DDHD1: variants seen among roughly 807,000 people sequenced by gnomAD.
The protein encoded by DDHD1 is phospholipase DDHD1.
A neutral mutation model predicts 96.4 loss-of-function variants in DDHD1; 49 were observed. That is an observed-to-expected ratio of 0.51 (90% CI 0.40 to 0.64). The LOEUF is 0.64. DDHD1 is among the 30% of genes least tolerant of loss of function. The pLI is 0.00. For synonymous variants in DDHD1, 442 were observed against 446.5 expected (o/e 0.99, Z 0.13); for missense variants, 1,106 against 1,161.2 (o/e 0.95, Z 0.69).
At chr14:53,093,248 T>C in intron 3 of DDHD1, 68 bp downstream of exon 3, 1 of 1,482,900 alleles carries the variant, frequency 6.7e-7, no homozygotes, top group Non-Finnish European at 9.1e-7. Context: ...ATGAATTGTC[T>C]ATTTTGAATA....
chr14:53,093,528 A>C (rs1358396374), intron 2 of DDHD1, 84 bp from the exon 3 acceptor site: 2 of 1,528,308 alleles, frequency 1.3e-6, no homozygotes, highest in Non-Finnish European at 1.8e-6. Context: ...AGATTTTAAA[A>C]TCAATATGTT....
intron 6 of DDHD1, among the ~76,000 whole-genome samples, chr14:53,067,154 T>C (rs1433598035): frequency 6.6e-6 from 1 of 150,560 alleles, no homozygotes; most frequent in African/African-American, 2.5e-5. Context: ...ACTATTCCTT[T>C]TCTTTTTTTT....
In DDHD1 at chr14:53,038,568, A is replaced by G. The variant is rs574905366; in HGVS notation, c.*8200T>C. 1 of 152,356 alleles carries G rather than the reference A, an allele frequency of 6.6e-6. No individual in the cohort carries two copies. The highest frequency in any genetic ancestry group is 2.1e-4 in the South Asian group (1 of 4,824). The allele number at this position is 152,356 out of a possible 1,614,324, so 9.4% of individuals were successfully genotyped here. Reference sequence around the variant, plus strand: ...CCATGTTCATGGATTGGAAGAATCAATATAGTTTAAAAATGGCCATACTGC... The same window carrying G: ...CCATGTTCATGGATTGGAAGAATCAGTATAGTTTAAAAATGGCCATACTGC... On this transcript the variant is annotated 3_prime_UTR_variant, in exon 13 of 13. Transcript: ENST00000673822.
chr14:53,097,283 T>G (rs1316055825), intron 2 of DDHD1, among the ~76,000 whole-genome samples: 7 of 152,044 alleles, frequency 4.6e-5, no homozygotes, highest in Non-Finnish European at 1.5e-5. Flanking sequence ...AGATGTAGTA[T>G]ATGCAAAGAT....
rs556807794 is a variant in DDHD1, at chr14:53,060,819, A to G, written c.1842+307T>C. Among the ~76,000 whole-genome samples, 3 of 152,272 alleles carry G rather than the reference A, an allele frequency of 2.0e-5. No individual in the cohort carries two copies. The South Asian group carries it at 6.2e-4, about 32-fold the overall frequency. On this transcript the variant is annotated intron_variant, in intron 8 of 12. Coordinates refer to ENST00000673822, the MANE Select transcript of DDHD1 (RefSeq NM_001160148.2). ...TATCTAATTTACTGAGACCAAGTAC[A>G]AATATCACTCCTTTGTAAACTTTTG...
At chr14:53,140,616 A>G (rs1280859155) in intron 1 of DDHD1, among the ~76,000 whole-genome samples, 2 of 152,194 alleles carry the variant, frequency 1.3e-5, no homozygotes, top group Non-Finnish European at 1.5e-5. Context: ...AATATTAAAG[A>G]TAGAAGAGAA....
chr14:53,104,056 T>C (rs1036067639), intron 1 of DDHD1, among the ~76,000 whole-genome samples, 200 bp from the exon 2 acceptor site: 1 of 152,194 alleles, frequency 6.6e-6, no homozygotes, highest in Non-Finnish European at 1.5e-5. Context: ...TAGAGTGCAG[T>C]AGTGTGACCA....
intron 1 of DDHD1, among the ~76,000 whole-genome samples, chr14:53,136,345 A>G (rs556781805): frequency 1.1e-3 from 167 of 152,332 alleles, no homozygotes; most frequent in Admixed American, 3.1e-3. Flanking sequence ...TTAGTGCCAG[A>G]GTTTCCAGGC....
At chr14:53,144,012 G>A (rs1377255161) in intron 1 of DDHD1, among the ~76,000 whole-genome samples, 1 of 152,144 alleles carries the variant, frequency 6.6e-6, no homozygotes, top group Non-Finnish European at 1.5e-5. Flanking sequence ...ATCCTGCCAG[G>A]CAATTAGAAT....
At chr14:53,076,617 C>T (rs10144188) in intron 4 of DDHD1, among the ~76,000 whole-genome samples, 133,180 of 152,198 alleles carry the variant, frequency 0.88, 58,348 homozygotes, top group East Asian at 0.98. Context: ...GTGGGTAAAA[C>T]GCTCTCAAAC....
At chr14:53,065,339 C>T (rs930418029) in intron 6 of DDHD1, among the ~76,000 whole-genome samples, 1 of 152,166 alleles carries the variant, frequency 6.6e-6, no homozygotes, top group African/African-American at 2.4e-5. Context: ...TCATCTATAT[C>T]AATTAAATAA....
intron 1 of DDHD1, among the ~76,000 whole-genome samples, chr14:53,134,331 T>A (rs969655281): frequency 6.6e-6 from 1 of 152,120 alleles, no homozygotes; most frequent in African/African-American, 2.4e-5. Context: ...CACTCTTGAC[T>A]CCCTCTTGGA....
At chr14:53,145,993 G>C (rs975866199) in intron 1 of DDHD1, among the ~76,000 whole-genome samples, 1 of 152,022 alleles carries the variant, frequency 6.6e-6, no homozygotes, top group Non-Finnish European at 1.5e-5. Context: ...GATCACTTCA[G>C]GTCAGGAGTT....
intron 2 of DDHD1, among the ~76,000 whole-genome samples, chr14:53,102,518 T>C (rs1007005267): frequency 3.3e-5 from 5 of 152,100 alleles, no homozygotes; most frequent in East Asian, 1.9e-4. Flanking sequence ...TTAGCTTTAA[T>C]TGCTAATTTA....
chr14:53,151,223 G>A (rs1223600050), intron 1 of DDHD1, among the ~76,000 whole-genome samples: 1 of 152,190 alleles, frequency 6.6e-6, no homozygotes, highest in Non-Finnish European at 1.5e-5. Flanking sequence ...CCATCTAATA[G>A]AGGGCAGAGT....
At chr14:53,090,175 T>C (rs1186600919) in intron 4 of DDHD1, among the ~76,000 whole-genome samples, 2 of 152,092 alleles carry the variant, frequency 1.3e-5, no homozygotes, top group African/African-American at 2.4e-5. Flanking sequence ...CACAATGAGA[T>C]ACCATCTCAC....
rs1881408273 is a variant in DDHD1 at position 53,038,352 on chromosome 14, G to A, written c.*8416C>T. 6.6e-6 allele frequency: 1 copy of A among 152,054 alleles called. No individual in the cohort carries two copies. Among genetic ancestry groups the A allele is most frequent in the Admixed American group, 6.6e-5 (1 of 15,256 alleles). 9.4% of individuals were successfully genotyped at this position (152,054 alleles called of 1,614,324 possible). A position where few individuals can be genotyped will look rare whatever the true frequency, so the allele number is the denominator to read the frequency against. On this transcript the variant is annotated 3_prime_UTR_variant, in exon 13 of 13. Transcript: ENST00000673822. The stretch of plus-strand genomic sequence containing the variant: ...ATACAAAATCAATGCACAAAAATTA[G>A]GAGCATTTCTATACACCAATAACGT...
intron 4 of DDHD1, among the ~76,000 whole-genome samples, chr14:53,079,850 G>C (rs1321764910): frequency 6.6e-6 from 1 of 152,084 alleles, no homozygotes; most frequent in Non-Finnish European, 1.5e-5. Flanking sequence ...CCTTGTGCAT[G>C]CCTCTTTTAT....
intron 6 of DDHD1, among the ~76,000 whole-genome samples, chr14:53,067,548 C>T (rs1228810530): frequency 6.6e-6 from 1 of 152,018 alleles, no homozygotes; most frequent in African/African-American, 2.4e-5. Flanking sequence ...AGCTCTGCCT[C>T]CTGGGTTCAC....
Sources: allele counts gnomAD v4.1 joint callset (sites outside exome capture counted in the v4.1 genomes callset), GRCh38; gene constraint gnomAD v4.1.1; transcripts MANE v1.5; gene names NCBI Gene and HGNC (gene_info 2026-07-23, HGNC 2026-07-21).